ZNF676: variants seen among roughly 807,000 people sequenced by gnomAD.
ZNF676 encodes the protein zinc finger protein 676.
ZNF676 carries 4 observed loss-of-function variants against 6.0 expected under a neutral mutation model. The observed-to-expected ratio is 0.67, with a 90% CI of 0.33 to 1.53. The LOEUF (loss-of-function observed/expected upper bound fraction) is 1.53. Ranked by LOEUF, ZNF676 falls within the 40% of genes most tolerant of loss-of-function variation. ZNF676 has a pLI of 0.06. For missense variants in ZNF676, 644 were observed against 679.7 expected, an observed-to-expected ratio of 0.95 and a Z score of 0.58; for synonymous variants, 198 against 223.1, an observed-to-expected ratio of 0.89 and a Z score of 1.00.
the ZNF676 span, among the ~76,000 whole-genome samples, chr19:22,236,160 C>T: frequency 0.035 from 5,331 of 151,784 alleles, 277 homozygotes; most frequent in African/African-American, 0.12. Flanking sequence ...ACTATTTTCC[C>T]AGGTAGAGGC....
chr19:22,187,867 G>A (rs1018516503), intron 2 of ZNF676, among the ~76,000 whole-genome samples: 2 of 152,062 alleles, frequency 1.3e-5, no homozygotes, highest in African/African-American at 4.8e-5. Context: ...CTGAAATTGA[G>A]GCGGTACTTA....
chr19:22,220,526 T>TGC (rs1338995757), upstream of ZNF676, among the ~76,000 whole-genome samples: 1 of 151,636 alleles, frequency 6.6e-6, no homozygotes, highest in Non-Finnish European at 1.5e-5. Context: ...GGTGCGATGT[T>TGC]GACTCACTGC....
chr19:22,233,516 A>G, the ZNF676 span, among the ~76,000 whole-genome samples: 4 of 152,204 alleles, frequency 2.6e-5, no homozygotes, highest in African/African-American at 9.6e-5. Flanking sequence ...GGAGTCTTTC[A>G]AACATGTTCT....
chr19:22,200,206 A>G (rs1192457888), upstream of ZNF676, among the ~76,000 whole-genome samples: 1 of 152,012 alleles, frequency 6.6e-6, no homozygotes, highest in Non-Finnish European at 1.5e-5. Context: ...TGTAAATTTT[A>G]TATTACATAC....
At chr19:22,214,396 C>T (rs935894325) in intron 1 of ZNF676, among the ~76,000 whole-genome samples, 4 of 150,044 alleles carry the variant, frequency 2.7e-5, no homozygotes, top group Non-Finnish European at 4.5e-5. Context: ...GGGTGGATCA[C>T]TTGAAATCAG....
the ZNF676 span, among the ~76,000 whole-genome samples, chr19:22,254,285 T>G: frequency 6.6e-6 from 1 of 152,092 alleles, no homozygotes; most frequent in South Asian, 2.1e-4. Flanking sequence ...GGGCACAGCC[T>G]TGGCAGGAGA....
At chr19:22,259,250 A>G in the ZNF676 span, among the ~76,000 whole-genome samples, 1 of 152,296 alleles carries the variant, frequency 6.6e-6, no homozygotes, top group East Asian at 1.9e-4. Flanking sequence ...GATATGTCAC[A>G]ATGCTCCCTG....
the ZNF676 span, among the ~76,000 whole-genome samples, chr19:22,238,232 A>T: frequency 6.6e-6 from 1 of 152,082 alleles, no homozygotes; most frequent in Non-Finnish European, 1.5e-5. Flanking sequence ...TTGTATTTTC[A>T]GTAGAGAGGG....
At chr19:22,197,766 G>A (rs1275669966), upstream of ZNF676, among the ~76,000 whole-genome samples, 1 of 152,046 alleles carries the variant, frequency 6.6e-6, no homozygotes, top group Non-Finnish European at 1.5e-5. Flanking sequence ...TAATTCCATA[G>A]TAAAAAAATG....
chr19:22,253,366 G>GTATATA, the ZNF676 span, among the ~76,000 whole-genome samples: 47 of 63,660 alleles, frequency 7.4e-4, no homozygotes, highest in Admixed American at 2.9e-3. Flanking sequence ...GTGTGTGTGT[G>GTATATA]TGTGTGTATA....
At chr19:22,229,795 T>C in the ZNF676 span, among the ~76,000 whole-genome samples, 1 of 152,120 alleles carries the variant, frequency 6.6e-6, no homozygotes, top group Non-Finnish European at 1.5e-5. Flanking sequence ...AAAATCACAA[T>C]GAGATACCAT....
In ZNF676 at chr19:22,180,513, A is replaced by AAGCTTTGCC. The variant is rs1341589705; in HGVS notation, c.1195_1203dup (p.Gly399_Ala401dup). 6.2e-7 allele frequency: 1 copy of AAGCTTTGCC among 1,606,724 alleles called. No homozygotes were observed. The highest frequency in any genetic ancestry group is 1.4e-5 in the African/African-American group (1 of 72,952). ...TCCATGAGCTTTGAGGATGAGTTGGAAGCTTTGCCACATTCTTCACATTTG... is the reference window on the plus strand; with the variant it reads ...TCCATGAGCTTTGAGGATGAGTTGGAAGCTTTGCCAGCTTTGCCACATTCTTCACATTTG... On this transcript the variant is annotated inframe_insertion, in exon 3 of 3. Coordinates refer to ENST00000397121, the MANE Select transcript of ZNF676 (RefSeq NM_001001411.3).
intron 1 of ZNF676, among the ~76,000 whole-genome samples, chr19:22,194,358 C>T (rs1599714176): frequency 6.8e-6 from 1 of 146,454 alleles, no homozygotes; most frequent in Non-Finnish European, 1.5e-5. Context: ...TGTGCAATGG[C>T]TCCTGTGAGA....
chr19:22,187,328 C>A (rs762339999), intron 2 of ZNF676, among the ~76,000 whole-genome samples: 63 of 152,108 alleles, frequency 4.1e-4, no homozygotes, highest in Non-Finnish European at 7.6e-4. Flanking sequence ...CCAATGAGAA[C>A]AAAGACAAAA....
chr19:22,237,229 G>T, the ZNF676 span, among the ~76,000 whole-genome samples: 1 of 152,000 alleles, frequency 6.6e-6, no homozygotes, highest in Non-Finnish European at 1.5e-5. Context: ...TCACTCACAG[G>T]GGGGCCATCT....
the ZNF676 span, among the ~76,000 whole-genome samples, chr19:22,222,682 C>A: frequency 6.6e-6 from 1 of 151,920 alleles, no homozygotes; most frequent in Admixed American, 6.6e-5. Context: ...CTGTTGGGCC[C>A]CCATATTTAT....
At chr19:22,225,047 G>A in the ZNF676 span, among the ~76,000 whole-genome samples, 3 of 151,986 alleles carry the variant, frequency 2.0e-5, no homozygotes, top group East Asian at 1.9e-4. Context: ...ACCTGGTTAT[G>A]CAAAAGGCTT....
the ZNF676 span, among the ~76,000 whole-genome samples, chr19:22,233,199 G>A: frequency 6.6e-6 from 1 of 152,110 alleles, no homozygotes; most frequent in Non-Finnish European, 1.5e-5. Context: ...ATTTTTAGTA[G>A]AGGCCGGGTT....
chr19:22,231,987 A>G, the ZNF676 span, among the ~76,000 whole-genome samples: 1 of 152,160 alleles, frequency 6.6e-6, no homozygotes, highest in Non-Finnish European at 1.5e-5. Context: ...AAGCCATTAC[A>G]AAATAATAGA....
Sources: allele counts gnomAD v4.1 joint callset (sites outside exome capture counted in the v4.1 genomes callset), GRCh38; gene constraint gnomAD v4.1.1; transcripts MANE v1.5; gene names NCBI Gene and HGNC (gene_info 2026-07-23, HGNC 2026-07-21).